The following DOCK10 variants were observed in gnomAD, a reference collection of about 807,000 sequenced individuals.
DOCK10 encodes the protein dedicator of cytokinesis protein 10.
Under a neutral mutation model 280.1 loss-of-function variants are expected in DOCK10, and 145 were observed. The observed-to-expected ratio is 0.52, with a 90% CI of 0.45 to 0.59. The LOEUF is 0.59. Ranked by LOEUF, DOCK10 falls within the 20% of genes least tolerant of loss-of-function variation. The probability of loss-of-function intolerance (pLI) is 0.00; values close to 1 mark genes in which losing one functional copy is unlikely to be tolerated. For synonymous variants in DOCK10, 915 were observed against 942.2 expected, an observed-to-expected ratio of 0.97 and a Z score of 0.53; for missense variants, 2,368 against 2,651.7, an observed-to-expected ratio of 0.89 and a Z score of 2.35.
intron 27 of DOCK10, among the ~76,000 whole-genome samples, chr2:224,829,981 G>A (rs1054699198): frequency 1.2e-4 from 19 of 152,170 alleles, no homozygotes; most frequent in African/African-American, 4.3e-4. Context: ...AATGCACATC[G>A]CTCAAATGTT....
chr2:224,921,683 A>G (rs1021581175), intron 2 of DOCK10, among the ~76,000 whole-genome samples: 3 of 152,242 alleles, frequency 2.0e-5, no homozygotes, highest in African/African-American at 7.2e-5. Flanking sequence ...CAGTTATTGC[A>G]TATCTAATAT....
At chr2:224,986,912 G>T (rs600020) in intron 1 of DOCK10, among the ~76,000 whole-genome samples, 2 of 151,980 alleles carry the variant, frequency 1.3e-5, no homozygotes, top group South Asian at 4.1e-4. Context: ...TCACCTCCTC[G>T]GAGAAAGGCT....
intron 1 of DOCK10, among the ~76,000 whole-genome samples, chr2:224,963,480 G>A (rs1335650464): frequency 1.3e-5 from 2 of 152,094 alleles, no homozygotes; most frequent in Non-Finnish European, 2.9e-5. Flanking sequence ...TAAATGTACA[G>A]GACAAGAGAA....
Position 224,765,636 on chromosome 2 carries a change from TA to T in DOCK10, c.*84del. 1.0e-6 allele frequency: 1 copy of T among 962,316 alleles called. No homozygotes were observed. 59.6% of individuals were successfully genotyped at this position (962,316 alleles called of 1,614,324 possible). ...ATATTAACACCATGAAAACTTCAAATAAATTAAACCTATCTTTCTCTTCCCC... is the reference window on the plus strand; with the variant it reads ...ATATTAACACCATGAAAACTTCAAATAATTAAACCTATCTTTCTCTTCCCC... On this transcript the variant is annotated 3_prime_UTR_variant, in exon 56 of 56. Transcript: ENST00000258390.
chr2:224,830,759 TA>T (rs1695171734), intron 26 of DOCK10, 147 bp from the exon 27 acceptor site: 2 of 421,196 alleles, frequency 4.7e-6, no homozygotes, highest in Admixed American at 8.1e-5. Flanking sequence ...AAATATTCTC[TA>T]TTATAGTGGG....
chr2:224,909,147 C>G (rs1048484978), intron 3 of DOCK10, among the ~76,000 whole-genome samples: 1 of 152,086 alleles, frequency 6.6e-6, no homozygotes, highest in African/African-American at 2.4e-5. Context: ...TTATATGATC[C>G]CTTTGTGTAT....
intron 1 of DOCK10, among the ~76,000 whole-genome samples, chr2:224,939,615 AC>A (rs1310755147): frequency 6.6e-6 from 1 of 152,240 alleles, no homozygotes; most frequent in Non-Finnish European, 1.5e-5. Flanking sequence ...GCTGCCTGAC[AC>A]AAGGGAAATT....
At chr2:224,808,840 G>T (rs1235114692) in intron 31 of DOCK10, among the ~76,000 whole-genome samples, 1 of 152,054 alleles carries the variant, frequency 6.6e-6, no homozygotes, top group African/African-American at 2.4e-5. Context: ...ATTAGACTGT[G>T]GGGAGATGTG....
intron 1 of DOCK10, among the ~76,000 whole-genome samples, chr2:224,969,975 T>C (rs1255393676): frequency 6.6e-6 from 1 of 152,254 alleles, no homozygotes; most frequent in African/African-American, 2.4e-5. Context: ...CTCTGCCTTT[T>C]GGCTCACTCA....
chr2:224,868,996 G>A (rs920001838), intron 11 of DOCK10, among the ~76,000 whole-genome samples: 12 of 152,132 alleles, frequency 7.9e-5, no homozygotes, highest in African/African-American at 2.9e-4. Context: ...TAAAGCTCAT[G>A]TGGTGATTCA....
intron 2 of DOCK10, 41 bp downstream of exon 2, chr2:224,931,508 G>A: frequency 6.4e-7 from 1 of 1,564,818 alleles, no homozygotes; most frequent in Non-Finnish European, 8.7e-7. Context: ...CAATGTGTAG[G>A]GCCCTCCTGA....
intron 11 of DOCK10, among the ~76,000 whole-genome samples, chr2:224,868,066 T>C (rs924330159): frequency 3.9e-5 from 6 of 152,124 alleles, no homozygotes; most frequent in Non-Finnish European, 7.3e-5. Flanking sequence ...TGGGGTCCTG[T>C]TGAATCCATG....
intron 1 of DOCK10, among the ~76,000 whole-genome samples, chr2:225,029,085 T>G (rs1195427140): frequency 6.6e-6 from 1 of 152,230 alleles, no homozygotes; most frequent in Non-Finnish European, 1.5e-5. Flanking sequence ...ACCCTGGGTT[T>G]GAGTCCTCCC....
At position 224,886,454 on chromosome 2, in the gene DOCK10, C is replaced by T. The variant is rs1699289060; in HGVS notation, c.489+5G>A. The T allele has an allele frequency of 1.2e-6, 2 of 1,607,538 alleles. No homozygotes were observed. The highest frequency in any genetic ancestry group is 8.5e-7 in the Non-Finnish European group (1 of 1,175,912). Reference sequence around the variant, plus strand: ...TAAACATCTCACTTTCAACTATTTACTTACTTCATCCTTATCAGCATCTTC... The same window carrying T: ...TAAACATCTCACTTTCAACTATTTATTTACTTCATCCTTATCAGCATCTTC... On this transcript the variant is annotated splice_donor_5th_base_variant and intron_variant, in intron 5 of 55. Coordinates refer to ENST00000258390, the MANE Select transcript of DOCK10 (RefSeq NM_014689.3).
chr2:225,009,283 AAATC>A (rs1181351798), intron 1 of DOCK10, among the ~76,000 whole-genome samples: 8 of 152,220 alleles, frequency 5.3e-5, no homozygotes, highest in African/African-American at 1.9e-4. Context: ...CCTACCAAGA[AAATC>A]AATCACTGAA....
intron 2 of DOCK10, among the ~76,000 whole-genome samples, chr2:224,924,785 T>C (rs114876262): frequency 3.3e-5 from 5 of 152,320 alleles, no homozygotes; most frequent in Non-Finnish European, 5.9e-5. Flanking sequence ...ACAGTACTTA[T>C]TTTCTAATGG....
At chr2:224,772,864 T>C (rs913737202) in intron 53 of DOCK10, among the ~76,000 whole-genome samples, 2 of 152,230 alleles carry the variant, frequency 1.3e-5, no homozygotes, top group South Asian at 4.1e-4. Flanking sequence ...CATTAGTTAA[T>C]TCATTTGTTA....
chr2:224,952,274 A>G (rs923354039), intron 1 of DOCK10, among the ~76,000 whole-genome samples: 3 of 152,216 alleles, frequency 2.0e-5, no homozygotes, highest in African/African-American at 7.2e-5. Flanking sequence ...TAATTTTAAC[A>G]TCAAGGATGT....
At chr2:224,772,471 A>G (rs911654688) in intron 53 of DOCK10, among the ~76,000 whole-genome samples, 10 of 152,076 alleles carry the variant, frequency 6.6e-5, no homozygotes, top group Non-Finnish European at 1.2e-4. Context: ...TCCTTGCAGA[A>G]GCCTCCCTAT....
Sources: allele counts gnomAD v4.1 joint callset (sites outside exome capture counted in the v4.1 genomes callset), GRCh38; gene constraint gnomAD v4.1.1; transcripts MANE v1.5; gene names NCBI Gene and HGNC (gene_info 2026-07-23, HGNC 2026-07-21).